Variants in AKAP7 observed in about 807,000 individuals in gnomAD.
AKAP7 encodes the protein A kinase (PRKA) anchor protein 7.
AKAP7 carries 39 observed loss-of-function variants against 39.5 expected under a neutral mutation model. That is an observed-to-expected ratio of 0.99 (90% CI 0.76 to 1.29). The LOEUF (loss-of-function observed/expected upper bound fraction) is 1.29, where lower values mean the gene tolerates loss of function less well. Ranked by LOEUF, AKAP7 falls within the 50% of genes most tolerant of loss-of-function variation. The pLI is 0.00. For synonymous variants in AKAP7, 140 were observed against 139.1 expected (o/e 1.01, Z -0.05); for missense variants, 414 against 407.7 (o/e 1.02, Z -0.13).
At chr6:131,250,384 A>G in intron 7 of AKAP7, 1 of 1,432,178 alleles carries the variant, frequency 7.0e-7, no homozygotes, top group Non-Finnish European at 9.2e-7. Context: ...TTTTTTGCTC[A>G]CGGCAGCAAG....
chr6:131,205,774 G>A (rs1808037757), intron 6 of AKAP7, among the ~76,000 whole-genome samples: 2 of 152,012 alleles, frequency 1.3e-5, no homozygotes, highest in South Asian at 2.1e-4. Flanking sequence ...ATTCTAATGG[G>A]TATTTTGCAT....
At chr6:131,236,872 C>G (rs1179581738) in intron 7 of AKAP7, among the ~76,000 whole-genome samples, 6 of 152,166 alleles carry the variant, frequency 3.9e-5, no homozygotes, top group Admixed American at 2.6e-4. Flanking sequence ...TTGATTTCCT[C>G]TTTTCCTAAT....
intron 5 of AKAP7, chr6:131,184,550 A>G: frequency 1.4e-6 from 1 of 722,422 alleles, no homozygotes; most frequent in Non-Finnish European, 2.6e-6. Context: ...GTATGTCTTC[A>G]CTGCCCCATC....
At chr6:131,179,927 A>G (rs374350565) in intron 5 of AKAP7, among the ~76,000 whole-genome samples, 1 of 152,214 alleles carries the variant, frequency 6.6e-6, no homozygotes, top group East Asian at 1.9e-4. Context: ...GTTAATAAGT[A>G]TTCATCAAAA....
chr6:131,125,962 A>C, the AKAP7 span, among the ~76,000 whole-genome samples: 1 of 152,184 alleles, frequency 6.6e-6, no homozygotes. Context: ...TCTCTGTGAT[A>C]GCTTGTCTGG....
rs908445227 is a variant in AKAP7, at chr6:131,169,378, C to G, written c.589+105C>G. ...TTTTTAAATTTTAAAAGATGATGGA[C>G]TAGACTCAAGTATTTTTTAGGACTG... On this transcript the variant is annotated intron_variant, in intron 5 of 7. Coordinates refer to ENST00000431975, the MANE Select transcript of AKAP7 (RefSeq NM_016377.4). 3.1e-6 allele frequency: 4 copies of G among 1,270,222 alleles called. No homozygotes were observed. The African/African-American group carries it at 4.5e-5, about 14-fold the overall frequency. 78.7% of individuals were successfully genotyped at this position (1,270,222 alleles called of 1,614,324 possible).
At chr6:131,193,440 A>G (rs190449695) in intron 5 of AKAP7, among the ~76,000 whole-genome samples, 1 of 152,152 alleles carries the variant, frequency 6.6e-6, no homozygotes, top group East Asian at 1.9e-4. Flanking sequence ...TGGTCATGAT[A>G]AATGATCTTT....
intron 7 of AKAP7, among the ~76,000 whole-genome samples, chr6:131,229,571 A>G (rs1470263640): frequency 6.6e-6 from 1 of 152,036 alleles, no homozygotes; most frequent in Non-Finnish European, 1.5e-5. Flanking sequence ...CTGTTCTTGA[A>G]TTCCTGACCT....
intron 6 of AKAP7, among the ~76,000 whole-genome samples, chr6:131,218,983 A>G (rs971201603): frequency 5.3e-5 from 8 of 152,240 alleles, no homozygotes; most frequent in East Asian, 3.9e-4. Flanking sequence ...AAATGTATCT[A>G]TTTCGCTGGG....
chr6:131,243,819 A>ATCT (rs1166424826), intron 7 of AKAP7, among the ~76,000 whole-genome samples: 1 of 147,624 alleles, frequency 6.8e-6, no homozygotes, highest in Non-Finnish European at 1.5e-5. Flanking sequence ...TACAAGTAAA[A>ATCT]TCTTCTCATT....
At chr6:131,239,283 A>C (rs1298210379) in intron 7 of AKAP7, among the ~76,000 whole-genome samples, 2 of 152,212 alleles carry the variant, frequency 1.3e-5, no homozygotes, top group Non-Finnish European at 2.9e-5. Flanking sequence ...GTCAGCTGTT[A>C]GTCTGATGGG....
intron 6 of AKAP7, among the ~76,000 whole-genome samples, chr6:131,213,211 T>C (rs964461373): frequency 5.3e-5 from 8 of 152,218 alleles, no homozygotes; most frequent in African/African-American, 1.9e-4. Flanking sequence ...TATTTCTGAA[T>C]GATTTTCTAC....
intron 5 of AKAP7, among the ~76,000 whole-genome samples, chr6:131,181,392 C>A (rs945687540): frequency 6.6e-6 from 1 of 152,168 alleles, no homozygotes; most frequent in African/African-American, 2.4e-5. Context: ...AAATATCACT[C>A]CCATTCGTTC....
chr6:131,235,162 G>GT (rs1210519779), intron 7 of AKAP7, among the ~76,000 whole-genome samples: 1 of 152,146 alleles, frequency 6.6e-6, no homozygotes, highest in Non-Finnish European at 1.5e-5. Flanking sequence ...GCGGTGTTTG[G>GT]TTTTTTGTCC....
intron 1 of AKAP7, among the ~76,000 whole-genome samples, chr6:131,135,988 AT>A (rs1401747119): frequency 6.6e-6 from 1 of 151,880 alleles, no homozygotes; most frequent in Non-Finnish European, 1.5e-5. Context: ...AAGCGTTTTA[AT>A]GCACGCATTG....
In AKAP7 at chr6:131,207,352, C is replaced by T. The variant is rs1808205651; in HGVS notation, c.702+7779C>T. On this transcript the variant is annotated intron_variant, in intron 6 of 7. Transcript: ENST00000431975. The stretch of plus-strand genomic sequence containing the variant: ...TTTTTTTGAAAGAACTAGGATCTCA[C>T]TTGGTTGCCCAGACCTAGAGTTCAT... Among the ~76,000 whole-genome samples the T allele has an allele frequency of 2.7e-5, 4 of 150,722 alleles. No homozygotes were observed. The South Asian group carries it at 8.4e-4, about 32-fold the overall frequency.
At chr6:131,250,047 T>C (rs1244412909) in intron 7 of AKAP7, 1 of 407,322 alleles carries the variant, frequency 2.5e-6, no homozygotes, top group Non-Finnish European at 3.3e-6. Context: ...TGTTCTGCTA[T>C]GTTGGGTTTT....
chr6:131,249,762 C>T (rs1812294537), intron 7 of AKAP7, among the ~76,000 whole-genome samples: 1 of 152,066 alleles, frequency 6.6e-6, no homozygotes. Context: ...CAGAAAGATG[C>T]CCTAATCTTT....
chr6:131,261,494 A>C (rs1813333187), intron 7 of AKAP7, among the ~76,000 whole-genome samples: 1 of 151,924 alleles, frequency 6.6e-6, no homozygotes, highest in Admixed American at 6.6e-5. Flanking sequence ...ATTTTCTCTA[A>C]AATTAGTTTG....
Sources: allele counts gnomAD v4.1 joint callset (sites outside exome capture counted in the v4.1 genomes callset), GRCh38; gene constraint gnomAD v4.1.1; transcripts MANE v1.5; gene names NCBI Gene and HGNC (gene_info 2026-07-23, HGNC 2026-07-21).